The following LPP variants were observed in gnomAD, a reference collection of about 807,000 sequenced individuals.
LPP encodes lipoma-preferred partner.
In LPP, 38 loss-of-function variants were observed where a neutral mutation model predicts 60.4. The observed-to-expected ratio is 0.63, with a 90% CI of 0.49 to 0.83. The LOEUF is 0.83. LPP is among the 40% of genes least tolerant of loss of function. The pLI, the probability that LPP is intolerant of heterozygous loss-of-function variation, is 0.00. For missense variants in LPP, 902 were observed against 783.6 expected, an observed-to-expected ratio of 1.15 and a Z score of -1.80; for synonymous variants, 328 against 290.8, an observed-to-expected ratio of 1.13 and a Z score of -1.30.
chr3:188,274,649 T>C (rs1739019866), intron 2 of LPP, among the ~76,000 whole-genome samples: 1 of 152,158 alleles, frequency 6.6e-6, no homozygotes, highest in Admixed American at 6.5e-5. Flanking sequence ...GAATGCTGAG[T>C]AACTAATAAA....
At chr3:188,191,200 A>G (rs1728080194) in intron 1 of LPP, among the ~76,000 whole-genome samples, 1 of 152,242 alleles carries the variant, frequency 6.6e-6, no homozygotes, top group Admixed American at 6.5e-5. Context: ...ACTGCACTCT[A>G]GCCTGGGCGA....
intron 2 of LPP, among the ~76,000 whole-genome samples, chr3:188,272,350 C>A (rs1446131022): frequency 6.6e-6 from 1 of 152,188 alleles, no homozygotes; most frequent in Admixed American, 6.5e-5. Context: ...AAGACCGTGC[C>A]ATTATCTTCT....
At chr3:188,754,428 G>A (rs955592209) in intron 8 of LPP, among the ~76,000 whole-genome samples, 5 of 152,220 alleles carry the variant, frequency 3.3e-5, no homozygotes, top group Admixed American at 1.3e-4. Flanking sequence ...CAGCCAACTC[G>A]TGGTTGAGCA....
At chr3:188,830,909 T>C (rs1383232557) in intron 9 of LPP, among the ~76,000 whole-genome samples, 1 of 152,252 alleles carries the variant, frequency 6.6e-6, no homozygotes, top group African/African-American at 2.4e-5. Context: ...ACAAATTAAC[T>C]GTCCTTTGAG....
intron 6 of LPP, among the ~76,000 whole-genome samples, chr3:188,554,887 G>A (rs1449857946): frequency 6.6e-6 from 1 of 152,090 alleles, no homozygotes; most frequent in African/African-American, 2.4e-5. Context: ...ATAAAACAAT[G>A]TGTATTTTCT....
chr3:188,671,418 T>C (rs1856929319), intron 7 of LPP, among the ~76,000 whole-genome samples: 1 of 152,218 alleles, frequency 6.6e-6, no homozygotes, highest in Non-Finnish European at 1.5e-5. Context: ...CTTCAGTTTA[T>C]CAAACTTCAA....
chr3:188,732,484 G>T (rs1290880257), intron 8 of LPP, among the ~76,000 whole-genome samples: 2 of 152,130 alleles, frequency 1.3e-5, no homozygotes, highest in South Asian at 2.1e-4. Flanking sequence ...CTGGCCGGGC[G>T]CAGTGGCTCA....
chr3:188,875,114 G>A lies in LPP; in HGVS notation c.*635G>A, dbSNP rs1177956542. Reference sequence around the variant, plus strand: ...GAATTCAGAATCTATAGTGACCAGTGATCAAGGCTAATTGGAAAAGAGTTA... The same window carrying A: ...GAATTCAGAATCTATAGTGACCAGTAATCAAGGCTAATTGGAAAAGAGTTA... On this transcript the variant is annotated 3_prime_UTR_variant, in exon 12 of 12. Transcript: ENST00000617246. 1 of 218,498 alleles carries A rather than the reference G, an allele frequency of 4.6e-6. No homozygotes were observed. Among genetic ancestry groups the A allele is most frequent in the African/African-American group, 2.2e-5 (1 of 44,532 alleles). The allele number at this position is 218,498 out of a possible 1,614,324, so 13.5% of individuals were successfully genotyped here.
At chr3:188,421,266 C>T (rs983091350) in intron 4 of LPP, among the ~76,000 whole-genome samples, 8 of 152,110 alleles carry the variant, frequency 5.3e-5, no homozygotes, top group Admixed American at 3.3e-4. Flanking sequence ...TTACTGCAGT[C>T]TTGAATGATG....
At chr3:188,345,268 A>G (rs776618690) in intron 3 of LPP, among the ~76,000 whole-genome samples, 7 of 152,200 alleles carry the variant, frequency 4.6e-5, no homozygotes, top group Non-Finnish European at 8.8e-5. Context: ...TTAAACATAA[A>G]TGGACTCCAG....
intron 6 of LPP, among the ~76,000 whole-genome samples, chr3:188,592,554 T>TTTTTTTTTTTG (rs1307690738): frequency 8.5e-6 from 1 of 118,250 alleles, no homozygotes; most frequent in African/African-American, 3.0e-5. Flanking sequence ...TAGTTTTGTT[T>TTTTTTTTTTTG]TTGTTTTTTA....
At chr3:188,751,349 C>T (rs1291908162) in intron 8 of LPP, among the ~76,000 whole-genome samples, 2 of 152,104 alleles carry the variant, frequency 1.3e-5, no homozygotes, top group Non-Finnish European at 2.9e-5. Context: ...GTTGCAATAG[C>T]GGTTCTAACT....
chr3:188,730,442 G>C (rs1560125355), intron 8 of LPP, among the ~76,000 whole-genome samples: 1 of 152,192 alleles, frequency 6.6e-6, no homozygotes, highest in Non-Finnish European at 1.5e-5. Context: ...TATGAATTGA[G>C]TGAATTATCC....
intron 1 of LPP, among the ~76,000 whole-genome samples, chr3:188,178,208 G>A (rs1478000325): frequency 6.6e-6 from 1 of 152,168 alleles, no homozygotes; most frequent in African/African-American, 2.4e-5. Flanking sequence ...GATGGGGAGA[G>A]TGAGGCAGGT....
chr3:188,829,073 C>T (rs1278720077), intron 9 of LPP, among the ~76,000 whole-genome samples: 1 of 152,112 alleles, frequency 6.6e-6, no homozygotes, highest in Non-Finnish European at 1.5e-5. Context: ...CCCAGCACAT[C>T]AGAGATTTTA....
At chr3:188,841,931 A>G (rs79924493) in intron 9 of LPP, among the ~76,000 whole-genome samples, 2,824 of 152,284 alleles carry the variant, frequency 0.019, 82 homozygotes, top group African/African-American at 0.063. Context: ...CCACCAGCTT[A>G]AGGAGATTTT....
At chr3:188,647,984 G>A (rs1851418591) in intron 7 of LPP, among the ~76,000 whole-genome samples, 1 of 152,048 alleles carries the variant, frequency 6.6e-6, no homozygotes, top group African/African-American at 2.4e-5. Context: ...TTGTAAATCT[G>A]GAATAATCAT....
chr3:188,219,311 T>C (rs918919909), intron 1 of LPP, among the ~76,000 whole-genome samples: 3 of 152,176 alleles, frequency 2.0e-5, no homozygotes, highest in Non-Finnish European at 1.5e-5. Context: ...TTTGACTCTA[T>C]CCTGTTCCCC....
intron 3 of LPP, among the ~76,000 whole-genome samples, chr3:188,345,774 G>A (rs1028070955): frequency 2.6e-5 from 4 of 152,160 alleles, no homozygotes; most frequent in Non-Finnish European, 5.9e-5. Context: ...CTGGAGAAGA[G>A]TGTAGTAATT....
Sources: allele counts gnomAD v4.1 joint callset (sites outside exome capture counted in the v4.1 genomes callset), GRCh38; gene constraint gnomAD v4.1.1; transcripts MANE v1.5; gene names NCBI Gene and HGNC (gene_info 2026-07-23, HGNC 2026-07-21).